BBS9: variants seen among roughly 807,000 people sequenced by gnomAD.
BBS9 encodes Bardet-Biedl syndrome 9, also known as protein PTHB1.
BBS9 carries 89 observed loss-of-function variants against 117.7 expected under a neutral mutation model. The ratio of observed to expected loss-of-function variants is 0.76; its 90% CI spans 0.64 to 0.90. BBS9 has a LOEUF of 0.90. Ranked by LOEUF, BBS9 falls within the 40% of genes least tolerant of loss-of-function variation. The pLI is 0.00. For missense variants in BBS9, 982 were observed against 1,042.2 expected, an observed-to-expected ratio of 0.94 and a Z score of 0.80; for synonymous variants, 379 against 370.9, an observed-to-expected ratio of 1.02 and a Z score of -0.25.
chr7:33,297,812 G>C (rs1805584688), intron 9 of BBS9, among the ~76,000 whole-genome samples: 1 of 152,048 alleles, frequency 6.6e-6, no homozygotes. Context: ...ATTGAGCATA[G>C]GACAGATTTA....
intron 20 of BBS9, among the ~76,000 whole-genome samples, chr7:33,527,775 C>G (rs569399572): frequency 2.6e-5 from 4 of 152,130 alleles, no homozygotes; most frequent in Admixed American, 1.3e-4. Flanking sequence ...CTCCTCCTCT[C>G]GGGCTGTTTT....
At chr7:33,252,442 G>A (rs1192398666) in intron 5 of BBS9, among the ~76,000 whole-genome samples, 1 of 152,146 alleles carries the variant, frequency 6.6e-6, no homozygotes, top group Non-Finnish European at 1.5e-5. Flanking sequence ...ATGCACCGTA[G>A]TAGTCTCTAG....
intron 5 of BBS9, among the ~76,000 whole-genome samples, chr7:33,215,769 A>G (rs990767159): frequency 6.6e-6 from 1 of 152,266 alleles, no homozygotes; most frequent in Non-Finnish European, 1.5e-5. Context: ...CAAATATTAC[A>G]TATTCTCCCT....
In BBS9 at chr7:33,623,976, T is replaced by A. The variant is rs75783604; in HGVS notation, c.2522-11201T>A. Among the ~76,000 whole-genome samples the A allele has an allele frequency of 7.5e-3, 834 of 110,866 alleles. 18 individuals are homozygous for A. The East Asian group carries it at 0.099, about 13-fold the overall frequency. 72.7% of individuals were successfully genotyped at this position (110,866 alleles called of 152,430 possible). On this transcript the variant is annotated intron_variant, in intron 21 of 21. Coordinates refer to the BBS9 transcript ENST00000671952. ...GGTTGGTGAGCAAATCTTTCATTCA[T>A]TCTATTATTAAAAAAAAAAAAATCA...
At chr7:33,194,034 G>T (rs973406966) in intron 5 of BBS9, among the ~76,000 whole-genome samples, 2 of 152,122 alleles carry the variant, frequency 1.3e-5, no homozygotes, top group African/African-American at 2.4e-5. Context: ...AATTGCTGGA[G>T]ATATTTATTT....
chr7:33,305,004 C>T (rs575171485), intron 9 of BBS9, among the ~76,000 whole-genome samples: 9 of 151,992 alleles, frequency 5.9e-5, no homozygotes, highest in Admixed American at 1.3e-4. Flanking sequence ...TGTGGAAGGC[C>T]GCAGGGAACT....
chr7:33,423,859 T>C (rs1833246518), intron 19 of BBS9, among the ~76,000 whole-genome samples: 1 of 152,166 alleles, frequency 6.6e-6, no homozygotes, highest in Admixed American at 6.5e-5. Flanking sequence ...TAGTAAAGCT[T>C]TTTCCCAGGT....
intron 19 of BBS9, among the ~76,000 whole-genome samples, chr7:33,466,142 G>A (rs964687017): frequency 2.0e-5 from 3 of 152,060 alleles, no homozygotes; most frequent in Admixed American, 2.0e-4. Context: ...CTCACAGTTA[G>A]ATTTTTTTGT....
At chr7:33,257,172 A>C in intron 5 of BBS9, 64 bp from the exon 6 acceptor site, 1 of 1,149,044 alleles carries the variant, frequency 8.7e-7, no homozygotes, top group Non-Finnish European at 1.2e-6. Flanking sequence ...GTAGATAGTG[A>C]TTAATAAAAA....
intron 21 of BBS9, among the ~76,000 whole-genome samples, chr7:33,588,368 A>C (rs1358868581): frequency 6.6e-6 from 1 of 152,154 alleles, no homozygotes; most frequent in East Asian, 1.9e-4. Flanking sequence ...CGGAAAAGGC[A>C]GATAATACTA....
chr7:33,263,220 A>G (rs1157803082), intron 6 of BBS9, among the ~76,000 whole-genome samples: 1 of 152,080 alleles, frequency 6.6e-6, no homozygotes, highest in Non-Finnish European at 1.5e-5. Flanking sequence ...TTTATAAGTG[A>G]ATTATTCTTG....
At chr7:33,407,839 C>T (rs565902219) in intron 19 of BBS9, among the ~76,000 whole-genome samples, 1 of 152,212 alleles carries the variant, frequency 6.6e-6, no homozygotes, top group Non-Finnish European at 1.5e-5. Flanking sequence ...TGTCAGTCTG[C>T]CCCTACTGGG....
intron 9 of BBS9, among the ~76,000 whole-genome samples, chr7:33,294,272 A>G (rs905653965): frequency 6.6e-5 from 10 of 151,296 alleles, no homozygotes; most frequent in African/African-American, 2.4e-4. Flanking sequence ...CACGCACACA[A>G]TACTTCCATC....
rs768727577 is a variant in BBS9, at chr7:33,357,898, G to C, written c.1596G>C (p.Lys532Asn). Residue 532 changes from lysine (K) to asparagine (N), a missense_variant, in exon 16 of 23, where the codon AAG (lysine) becomes AAC (asparagine). Transcript: ENST00000242067. Reference protein sequence around the residue: ...VIQCKFRLPLKLICLPGQPSK... With the variant: ...VIQCKFRLPLNLICLPGQPSK... ...AATGTAAATTTAGACTTCCCCTAAAGTTAATTTGCCTACCAGGTCAGCCTT... is the reference window on the plus strand; with the variant it reads ...AATGTAAATTTAGACTTCCCCTAAACTTAATTTGCCTACCAGGTCAGCCTT... The C allele has an allele frequency of 6.2e-7, 1 of 1,611,794 alleles. No homozygotes were observed. Among genetic ancestry groups the C allele is most frequent in the Admixed American group, 1.7e-5 (1 of 59,898 alleles).
At chr7:33,163,560 C>CGGGT (rs1795201377) in intron 4 of BBS9, among the ~76,000 whole-genome samples, 1 of 151,974 alleles carries the variant, frequency 6.6e-6, no homozygotes, top group African/African-American at 2.4e-5. Flanking sequence ...TAGTCTTGGG[C>CGGGT]GGGTGTATGT....
chr7:33,237,018 A>G (rs1793652138), intron 5 of BBS9, among the ~76,000 whole-genome samples: 1 of 152,128 alleles, frequency 6.6e-6, no homozygotes, highest in Admixed American at 6.5e-5. Context: ...AATAGTTTTT[A>G]TATTTATAAA....
At chr7:33,581,711 A>G (rs991416087) in intron 21 of BBS9, among the ~76,000 whole-genome samples, 17 of 152,172 alleles carry the variant, frequency 1.1e-4, no homozygotes, top group Admixed American at 2.0e-4. Context: ...TAACATTTAT[A>G]TGATATTCTG....
intron 1 of BBS9, among the ~76,000 whole-genome samples, chr7:33,132,439 C>G (rs111590255): frequency 2.0e-5 from 3 of 152,062 alleles, no homozygotes; most frequent in African/African-American, 7.2e-5. Context: ...TCCTTTAAGG[C>G]GAAGTCATTA....
chr7:33,183,100 G>T (rs535137485), intron 5 of BBS9, among the ~76,000 whole-genome samples: 1 of 152,078 alleles, frequency 6.6e-6, no homozygotes. Context: ...GAAATCTCTC[G>T]CATAATATGA....
Sources: gnomAD v4.1 joint callset for allele counts (sites outside exome capture counted in the v4.1 genomes callset) on GRCh38, gnomAD v4.1.1 for gene constraint, MANE v1.5 for transcripts, NCBI Gene and HGNC (gene_info 2026-07-23, HGNC 2026-07-21) for gene names.